The following PHC2 variants were observed in gnomAD, a reference collection of about 807,000 sequenced individuals.
PHC2 encodes the protein polyhomeotic homolog 2.
A neutral mutation model predicts 87.4 loss-of-function variants in PHC2; 29 were observed. The ratio of observed to expected loss-of-function variants is 0.33; its 90% CI spans 0.25 to 0.45. PHC2 has a LOEUF of 0.45. PHC2 is among the 20% of genes least tolerant of loss of function. The pLI, the probability that PHC2 is intolerant of heterozygous loss-of-function variation, is 1.00. For synonymous variants in PHC2, 438 were observed against 461.7 expected (o/e 0.95, Z 0.66); for missense variants, 857 against 1,136.7 (o/e 0.75, Z 3.54).
At chr1:33,387,313 C>A (rs1648813303) in intron 1 of PHC2, among the ~76,000 whole-genome samples, 2 of 152,158 alleles carry the variant, frequency 1.3e-5, no homozygotes, top group African/African-American at 4.8e-5. Context: ...CATGCTCCCC[C>A]CAGAGCTTCT....
intron 13 of PHC2, 77 bp downstream of exon 13, chr1:33,329,994 A>AC (rs1646455164): frequency 6.6e-7 from 1 of 1,517,578 alleles, no homozygotes; most frequent in South Asian, 1.2e-5. Context: ...GCTGGAGGGG[A>AC]CCGTGGTGTC....
chr1:33,418,871 A>G lies in PHC2; in HGVS notation c.-55+12105T>C, dbSNP rs192409918. ...CAGCAGAAAACATGGAGAAGAGGCT[A>G]GAAGATTGAAAAGACTTTAGACACT... On this transcript the variant is annotated intron_variant, in intron 1 of 14. Coordinates refer to ENST00000683057, the MANE Select transcript of PHC2 (RefSeq NM_001385109.1). 3.1e-4 allele frequency among the ~76,000 whole-genome samples: 47 copies of G among 152,392 alleles called. 1 individual carries two copies. Among genetic ancestry groups the G allele is most frequent in the Non-Finnish European group, 5.3e-4 (36 of 68,040 alleles).
chr1:33,371,202 C>T, intron 3 of PHC2, 108 bp from the exon 4 acceptor site: 1 of 858,134 alleles, frequency 1.2e-6, no homozygotes, highest in South Asian at 1.4e-5. Context: ...GGACAACAGC[C>T]TCTGGAGGTC....
rs564751071 is a variant in PHC2 at position 33,422,908 on chromosome 1, C to G, written c.-55+8068G>C. Among the ~76,000 whole-genome samples, 4 of 151,860 alleles carry G rather than the reference C, an allele frequency of 2.6e-5. No homozygotes were observed. The East Asian group carries it at 7.7e-4, about 29-fold the overall frequency. ...AATATCAATTCTATCTAGGAGGCCCCAGGAAATAAAGAAAGGTAAAACCTA... is the reference window on the plus strand; with the variant it reads ...AATATCAATTCTATCTAGGAGGCCCGAGGAAATAAAGAAAGGTAAAACCTA... On this transcript the variant is annotated intron_variant, in intron 1 of 14. Transcript: ENST00000683057.
At chr1:33,346,989 T>C (rs1646856542) in intron 9 of PHC2, 2 of 985,298 alleles carry the variant, frequency 2.0e-6, no homozygotes, top group African/African-American at 1.7e-5. Context: ...AAGAGTTCAA[T>C]TGTGTAAGAT....
chr1:33,404,153 G>T (rs546308320), intron 1 of PHC2, among the ~76,000 whole-genome samples: 11 of 152,096 alleles, frequency 7.2e-5, no homozygotes, highest in Non-Finnish European at 1.5e-4. Context: ...TGAAACTCAT[G>T]ATTTCCCTCC....
At chr1:33,406,547 T>G (rs1005122962) in intron 1 of PHC2, among the ~76,000 whole-genome samples, 1 of 152,198 alleles carries the variant, frequency 6.6e-6, no homozygotes, top group Admixed American at 6.5e-5. Flanking sequence ...AGTTGAAAAC[T>G]TACTGACATA....
At position 33,356,251 on chromosome 1, in the gene PHC2, A is replaced by ATATATATATATATATATATATATATG. The variant is rs1248869939; in HGVS notation, c.977-1024_977-999dup. Among the ~76,000 whole-genome samples, 29 of 39,786 alleles carry ATATATATATATATATATATATATATG rather than the reference A, an allele frequency of 7.3e-4. 1 individual carries two copies. The highest frequency in any genetic ancestry group is 9.4e-4 in the African/African-American group (11 of 11,706). The allele number at this position is 39,786 out of a possible 152,430, so 26.1% of individuals were successfully genotyped here. Reference sequence around the variant, plus strand: ...CTGACTCTTTGAGGTGAAAATTCTTATATATATATATATATATATATATAT... The same window carrying ATATATATATATATATATATATATATG: ...CTGACTCTTTGAGGTGAAAATTCTTATATATATATATATATATATATATATGTATATATATATATATATATATATAT... On this transcript the variant is annotated intron_variant, in intron 7 of 14. Transcript: ENST00000683057.
chr1:33,407,526 T>G (rs1436413636), intron 1 of PHC2, among the ~76,000 whole-genome samples: 1 of 152,144 alleles, frequency 6.6e-6, no homozygotes, highest in East Asian at 1.9e-4. Flanking sequence ...GCTGCTCCAG[T>G]AATGGTTTAC....
chr1:33,389,230 A>G (rs1337126961), intron 1 of PHC2, among the ~76,000 whole-genome samples: 1 of 152,086 alleles, frequency 6.6e-6, no homozygotes, highest in African/African-American at 2.4e-5. Context: ...CTATTACTAG[A>G]TTCAATCCCC....
At chr1:33,378,996 A>G (rs1251512312) in intron 1 of PHC2, among the ~76,000 whole-genome samples, 1 of 151,924 alleles carries the variant, frequency 6.6e-6, no homozygotes, top group Admixed American at 6.6e-5. Context: ...GGGGGTTATC[A>G]TTTCTATTTC....
In PHC2 at chr1:33,369,801, AT is replaced by A. The variant is rs1647711190; in HGVS notation, c.576+619del. Among the ~76,000 whole-genome samples, 1 of 152,076 alleles carries A rather than the reference AT, an allele frequency of 6.6e-6. No homozygotes were observed. Among genetic ancestry groups the A allele is most frequent in the South Asian group, 2.1e-4 (1 of 4,820 alleles). On this transcript the variant is annotated intron_variant, in intron 5 of 14. Transcript: ENST00000683057. This position sits in a 1 kb window ranked among gnomAD's most constrained non-coding sequence, Gnocchi z 4.7. ...ACTGCCACCCAGGGAGTATGCTGCC[AT>A]TTTCCCAGGGCATTCTCCTAAATCT...
At chr1:33,379,626 C>T (rs1648393301) in intron 1 of PHC2, among the ~76,000 whole-genome samples, 2 of 149,500 alleles carry the variant, frequency 1.3e-5, no homozygotes, top group Admixed American at 1.3e-4. Flanking sequence ...TCCCTTTCAC[C>T]ACTGATTTCT....
At chr1:33,418,366 AGAGT>A (rs1463618762) in intron 1 of PHC2, among the ~76,000 whole-genome samples, 1 of 112,596 alleles carries the variant, frequency 8.9e-6, no homozygotes, top group African/African-American at 2.7e-5. Flanking sequence ...AGAGAGAAAG[AGAGT>A]GAGAGAGAGA....
At position 33,329,016 on chromosome 1, in the gene PHC2, G is replaced by A. The variant is rs1395928559; in HGVS notation, c.2279C>T (p.Thr760Ile). Residue 760 changes from threonine to isoleucine, a missense_variant, in exon 14 of 15, where the codon ACT (threonine) becomes ATT (isoleucine). Thr to Ile is a moderately conservative substitution (Grantham distance 89, BLOSUM62 -1). Coordinates refer to ENST00000683057, the MANE Select transcript of PHC2 (RefSeq NM_001385109.1). ...PLSPISASSS[T>I]SRRRQGQRDL... Reference sequence around the variant, plus strand: ...CCGCTGGCCTTGTCGCCGGCGGGAAGTAGATGAGCTGGCTGAGATGGGTGA... The same window carrying A: ...CCGCTGGCCTTGTCGCCGGCGGGAAATAGATGAGCTGGCTGAGATGGGTGA... 3 of 1,614,242 alleles carry A rather than the reference G, an allele frequency of 1.9e-6. No homozygotes were observed. Among genetic ancestry groups the A allele is most frequent in the Admixed American group, 3.3e-5 (2 of 60,030 alleles).
chr1:33,403,091 GA>G (rs1357025851), intron 1 of PHC2, among the ~76,000 whole-genome samples: 3 of 147,640 alleles, frequency 2.0e-5, no homozygotes, highest in African/African-American at 7.6e-5. Flanking sequence ...AAAGTGCTGG[GA>G]TTACAGGCGT....
At chr1:33,389,158 C>T (rs988168706) in intron 1 of PHC2, among the ~76,000 whole-genome samples, 9 of 151,584 alleles carry the variant, frequency 5.9e-5, no homozygotes, top group African/African-American at 2.2e-4. Flanking sequence ...ACGGGTTGTG[C>T]ATGTGGTGGG....
At chr1:33,341,481 T>C (rs977523791) in intron 9 of PHC2, among the ~76,000 whole-genome samples, 4 of 152,252 alleles carry the variant, frequency 2.6e-5, no homozygotes, top group African/African-American at 4.8e-5. Context: ...GATTCCCAAA[T>C]TGGGATTCCT....
At chr1:33,347,794 G>A in intron 9 of PHC2, 1 of 924,240 alleles carries the variant, frequency 1.1e-6, no homozygotes, top group Non-Finnish European at 1.3e-6. Context: ...AAGGGCAGGT[G>A]CCAAAAGAGC....
Sources: allele counts gnomAD v4.1 joint callset (sites outside exome capture counted in the v4.1 genomes callset), GRCh38; gene constraint gnomAD v4.1.1; non-coding constraint Gnocchi (gnomAD v3.1); transcripts MANE v1.5; gene names NCBI Gene and HGNC (gene_info 2026-07-23, HGNC 2026-07-21).